The following CFAP58 variants were observed in gnomAD, a reference collection of about 807,000 sequenced individuals.
CFAP58 encodes cilia- and flagella-associated protein 58.
Under a neutral mutation model 119.5 loss-of-function variants are expected in CFAP58, and 88 were observed. That is an observed-to-expected ratio of 0.74 (90% CI 0.62 to 0.88). CFAP58 has a LOEUF of 0.88. Among genes scored for constraint, CFAP58 ranks in the 40% least tolerant of loss-of-function variants. The probability of loss-of-function intolerance (pLI) is 0.00; values close to 1 mark genes in which losing one functional copy is unlikely to be tolerated. For synonymous variants in CFAP58, 365 were observed against 366.3 expected, an observed-to-expected ratio of 1.00 and a Z score of 0.04; for missense variants, 990 against 1,021.2, an observed-to-expected ratio of 0.97 and a Z score of 0.42.
intron 15 of CFAP58, among the ~76,000 whole-genome samples, chr10:104,441,515 A>G (rs1161884684): frequency 2.6e-5 from 4 of 152,262 alleles, no homozygotes; most frequent in Admixed American, 6.5e-5. Context: ...TGTTCAGGCT[A>G]GCCTAGAGAA....
rs941334342 is a variant in CFAP58, at chr10:104,371,126, C to T, written c.1090+72C>T. 16 of 1,418,304 alleles carry T rather than the reference C, an allele frequency of 1.1e-5. No individual in the cohort carries two copies. The East Asian group carries it at 3.9e-4, about 34-fold the overall frequency. 87.9% of individuals were successfully genotyped at this position (1,418,304 alleles called of 1,614,324 possible). On this transcript the variant is annotated intron_variant, in intron 7 of 17. Transcript: ENST00000369704. ...ACTGATGTTATCTTGTAACCCAGGG[C>T]TCCATGTTTCCAAACACAACCTATG...
the CFAP58 span, among the ~76,000 whole-genome samples, chr10:104,342,844 C>CAA: frequency 6.6e-4 from 32 of 48,492 alleles, 1 homozygote; most frequent in African/African-American, 1.2e-3. Context: ...GACCCTGTAT[C>CAA]AAAAAAAAAA....
At chr10:104,429,434 T>C (rs2012806341) in intron 15 of CFAP58, among the ~76,000 whole-genome samples, 2 of 152,118 alleles carry the variant, frequency 1.3e-5, no homozygotes, top group South Asian at 4.2e-4. Context: ...AGCTGTGGAA[T>C]TTCAGGGGTA....
chr10:104,366,456 G>A (rs993463270), intron 5 of CFAP58, among the ~76,000 whole-genome samples: 3 of 151,984 alleles, frequency 2.0e-5, no homozygotes, highest in South Asian at 2.1e-4. Context: ...GTTTGGTTTC[G>A]CCTGTCTTTA....
At chr10:104,358,681 A>T in intron 2 of CFAP58, 59 bp downstream of exon 2, 1 of 1,514,718 alleles carries the variant, frequency 6.6e-7, no homozygotes, top group Admixed American at 1.9e-5. Context: ...CTCTCATTAT[A>T]TTGGCACCTC....
At chr10:104,444,951 C>T (rs2013091077) in intron 15 of CFAP58, among the ~76,000 whole-genome samples, 1 of 152,188 alleles carries the variant, frequency 6.6e-6, no homozygotes, top group Non-Finnish European at 1.5e-5. Context: ...CACTTTTCTC[C>T]ATACTTGTGG....
At chr10:104,368,598 C>G in intron 6 of CFAP58, 38 bp downstream of exon 6, 1 of 1,609,368 alleles carries the variant, frequency 6.2e-7, no homozygotes, top group South Asian at 1.1e-5. Flanking sequence ...CTAGCTCTTT[C>G]TTCCTAACAC....
upstream of CFAP58, among the ~76,000 whole-genome samples, chr10:104,349,340 AAGTGTC>A (rs149804825): frequency 0.017 from 2,633 of 152,304 alleles, 77 homozygotes; most frequent in African/African-American, 0.06. Flanking sequence ...TCCAAGATCA[AAGTGTC>A]AGCAGGTTTG....
At chr10:104,420,449 C>G (rs1198153510) in intron 15 of CFAP58, among the ~76,000 whole-genome samples, 3 of 152,210 alleles carry the variant, frequency 2.0e-5, no homozygotes, top group Admixed American at 6.5e-5. Context: ...ACACAGATGA[C>G]TTCTGGAGTC....
chr10:104,425,435 G>A (rs1376613213), intron 15 of CFAP58, among the ~76,000 whole-genome samples: 1 of 152,090 alleles, frequency 6.6e-6, no homozygotes, highest in Non-Finnish European at 1.5e-5. Context: ...ACCAAGCATA[G>A]GCATTACACT....
At chr10:104,346,254 A>G in the CFAP58 span, among the ~76,000 whole-genome samples, 1 of 152,028 alleles carries the variant, frequency 6.6e-6, no homozygotes, top group Non-Finnish European at 1.5e-5. Flanking sequence ...ACCCCCCATG[A>G]CCCGAACACC....
At chr10:104,441,563 G>A (rs752249996) in intron 15 of CFAP58, among the ~76,000 whole-genome samples, 1 of 152,174 alleles carries the variant, frequency 6.6e-6, no homozygotes, top group Non-Finnish European at 1.5e-5. Flanking sequence ...ACATATATTT[G>A]CATTTTGGAA....
chr10:104,344,997 A>T, the CFAP58 span, among the ~76,000 whole-genome samples: 1 of 151,826 alleles, frequency 6.6e-6, no homozygotes, highest in Admixed American at 6.5e-5. Flanking sequence ...AAAATACAAA[A>T]ATTAGCCGGG....
chr10:104,377,020 T>A, intron 8 of CFAP58, 127 bp downstream of exon 8: 1 of 641,678 alleles, frequency 1.6e-6, no homozygotes, highest in Non-Finnish European at 2.6e-6. Flanking sequence ...TAAATAATAG[T>A]GCTTAATTTT....
chr10:104,430,126 G>A (rs2012821434), intron 15 of CFAP58, among the ~76,000 whole-genome samples: 1 of 152,194 alleles, frequency 6.6e-6, no homozygotes, highest in Admixed American at 6.5e-5. Context: ...TTTAAGTACT[G>A]ATGTGGATAA....
At chr10:104,372,857 C>A (rs2014842510) in intron 7 of CFAP58, among the ~76,000 whole-genome samples, 1 of 152,160 alleles carries the variant, frequency 6.6e-6, no homozygotes, top group Non-Finnish European at 1.5e-5. Flanking sequence ...TCATCAATAT[C>A]ATTATTTCTT....
In CFAP58 at chr10:104,447,719, GA is replaced by G; in HGVS notation, c.2280del (p.Glu760AspfsTer2). The part of the protein sequence containing the change: ...LLQEKEKLYM[E>X]LKHVLARQPG... Reference sequence around the variant, plus strand: ...CTAGGAAAAGGAGAAACTCTACATGGAACTAAAGCACGTCTTGGCCCGCCAG... The same window carrying G: ...CTAGGAAAAGGAGAAACTCTACATGGACTAAAGCACGTCTTGGCCCGCCAG... On this transcript the variant is annotated frameshift_variant, in exon 16 of 18. Transcript: ENST00000369704. LOFTEE classifies it high-confidence loss of function. The G allele has an allele frequency of 1.2e-6, 2 of 1,614,100 alleles. No individual in the cohort carries two copies. Among genetic ancestry groups the G allele is most frequent in the Non-Finnish European group, 1.7e-6 (2 of 1,179,994 alleles).
At chr10:104,351,232 A>G (rs1444137615), upstream of CFAP58, among the ~76,000 whole-genome samples, 1 of 152,198 alleles carries the variant, frequency 6.6e-6, no homozygotes, top group Non-Finnish European at 1.5e-5. Context: ...ATTATGACTC[A>G]GCCACATTTC....
upstream of CFAP58, chr10:104,353,575 C>T (rs978606311): frequency 1.6e-5 from 6 of 375,450 alleles, no homozygotes; most frequent in Non-Finnish European, 2.9e-5. Context: ...TCCATCTGCC[C>T]ACACCGTGGG....
Sources: allele counts gnomAD v4.1 joint callset (sites outside exome capture counted in the v4.1 genomes callset), GRCh38; gene constraint gnomAD v4.1.1; transcripts MANE v1.5; gene names NCBI Gene and HGNC (gene_info 2026-07-23, HGNC 2026-07-21).